The following CMPK1 variants were observed in gnomAD, a reference collection of about 807,000 sequenced individuals.
The protein encoded by CMPK1 is cytidine/uridine monophosphate kinase 1, also known as UMP-CMP kinase.
In CMPK1, 10 loss-of-function variants were observed where a neutral mutation model predicts 25.7. That is an observed-to-expected ratio of 0.39 (90% confidence interval 0.24 to 0.66). The LOEUF is 0.66. CMPK1 is among the 30% of genes least tolerant of loss of function. The pLI is 0.48. For synonymous variants in CMPK1, 106 were observed against 101.5 expected (o/e 1.04, Z -0.27); for missense variants, 199 against 280.5 (o/e 0.71, Z 2.08).
intron 5 of CMPK1, 73 bp downstream of exon 5, chr1:47,375,366 G>A (rs1461773657): frequency 1.5e-5 from 14 of 958,202 alleles, no homozygotes; most frequent in Non-Finnish European, 1.7e-5. Context: ...GGGTAAGCAG[G>A]AAAAAAAGAA....
rs1288215490 is a variant in CMPK1, at chr1:47,377,111, C to T, written c.*366C>T. 6.2e-6 allele frequency: 1 copy of T among 160,646 alleles called. No homozygotes were observed. The highest frequency in any genetic ancestry group is 1.7e-4 in the East Asian group (1 of 5,798). 10.0% of individuals were successfully genotyped at this position (160,646 alleles called of 1,614,324 possible). A position where few individuals can be genotyped will look rare whatever the true frequency, so the allele number is the denominator to read the frequency against. On this transcript the variant is annotated 3_prime_UTR_variant, in exon 6 of 6. Coordinates refer to ENST00000371873, the MANE Select transcript of CMPK1 (RefSeq NM_016308.3). The stretch of plus-strand genomic sequence containing the variant: ...TTTAGGATTTAGGGATACCCGCTTC[C>T]TCTTTTTCTTGCAAGTTTTAAATTT...
At chr1:47,339,559 A>G (rs961148601) in intron 1 of CMPK1, among the ~76,000 whole-genome samples, 3 of 147,998 alleles carry the variant, frequency 2.0e-5, no homozygotes, top group African/African-American at 7.3e-5. Flanking sequence ...TTGGATTCAT[A>G]GAGTTTATTG....
chr1:47,341,164 A>T (rs372231536), intron 1 of CMPK1, among the ~76,000 whole-genome samples: 1 of 152,174 alleles, frequency 6.6e-6, no homozygotes, highest in Non-Finnish European at 1.5e-5. Context: ...AAAATGTTAC[A>T]TCTTTTCTAA....
chr1:47,375,111 C>T, intron 4 of CMPK1, 86 bp from the exon 5 acceptor site: 1 of 1,257,188 alleles, frequency 8.0e-7, no homozygotes. Context: ...TCAGTCGGGG[C>T]AGATCCAGTG....
At position 47,376,970 on chromosome 1, in the gene CMPK1, C is replaced by T. The variant is rs1440339637; in HGVS notation, c.*225C>T. Reference sequence around the variant, plus strand: ...CACCTTAGTTATGGTGCTCACCAAACGAAGGGTATCAGCTATTTTTTTTAA... The same window carrying T: ...CACCTTAGTTATGGTGCTCACCAAATGAAGGGTATCAGCTATTTTTTTTAA... On this transcript the variant is annotated 3_prime_UTR_variant, in exon 6 of 6. Transcript: ENST00000371873. 1.9e-5 allele frequency: 7 copies of T among 370,790 alleles called. No individual in the cohort carries two copies. Among genetic ancestry groups the T allele is most frequent in the South Asian group, 8.7e-5 (1 of 11,556 alleles). The allele number at this position is 370,790 out of a possible 1,614,324, so 23.0% of individuals were successfully genotyped here.
chr1:47,370,593 A>G (rs1316242755), intron 2 of CMPK1, among the ~76,000 whole-genome samples: 1 of 147,662 alleles, frequency 6.8e-6, no homozygotes, highest in East Asian at 2.1e-4. Flanking sequence ...GTGAGCCAAG[A>G]TCATGCTACT....
chr1:47,355,128 C>T (rs559763439), intron 1 of CMPK1, among the ~76,000 whole-genome samples: 2 of 151,914 alleles, frequency 1.3e-5, no homozygotes, highest in South Asian at 4.2e-4. Flanking sequence ...CTCACTGCAA[C>T]CTCTGCCTGC....
chr1:47,333,860 G>T lies in CMPK1; in HGVS notation c.-86G>T, dbSNP rs527624684. ...GCCGCGGCGGGCGCCGGCTCAGCCC[G>T]CCCCTTTCTCCCGCCGCCTCCCCGC... On this transcript the variant is annotated 5_prime_UTR_variant, in exon 1 of 6. Transcript: ENST00000371873. The T allele has an allele frequency of 9.9e-5, 94 of 950,916 alleles. No homozygotes were observed. In the African/African-American group the frequency reaches 1.6e-3, roughly 16 times the overall value. The allele number at this position is 950,916 out of a possible 1,614,324, so 58.9% of individuals were successfully genotyped here. A position where few individuals can be genotyped will look rare whatever the true frequency, so the allele number is the denominator to read the frequency against.
chr1:47,366,605 G>A (rs778930178), intron 1 of CMPK1, among the ~76,000 whole-genome samples: 1 of 152,180 alleles, frequency 6.6e-6, no homozygotes, highest in Admixed American at 6.5e-5. Flanking sequence ...AAAATGGAAT[G>A]TGGGTGAGAA....
intron 1 of CMPK1, among the ~76,000 whole-genome samples, chr1:47,361,608 A>AT (rs1405676968): frequency 6.6e-6 from 1 of 150,920 alleles, no homozygotes; most frequent in Non-Finnish European, 1.5e-5. Flanking sequence ...GAGGGGTCTG[A>AT]TAATTTGCAA....
intron 1 of CMPK1, among the ~76,000 whole-genome samples, chr1:47,359,085 G>T (rs4926544): frequency 2.1e-3 from 317 of 151,968 alleles, no homozygotes; most frequent in African/African-American, 7.4e-3. Context: ...TTGGGAGGCC[G>T]AGGTGGGCGG....
In CMPK1 at chr1:47,359,635, C is replaced by T. The variant is rs375668546; in HGVS notation, c.172-8834C>T. On this transcript the variant is annotated intron_variant, in intron 1 of 5. Coordinates refer to ENST00000371873, the MANE Select transcript of CMPK1 (RefSeq NM_016308.3). ...AACTCCTGACCTCAAGTGATCCACCCGTCTCAGCCTCCCAAAGTGCTGGGA... is the reference window on the plus strand; with the variant it reads ...AACTCCTGACCTCAAGTGATCCACCTGTCTCAGCCTCCCAAAGTGCTGGGA... Among the ~76,000 whole-genome samples, 43 of 151,754 alleles carry T rather than the reference C, an allele frequency of 2.8e-4. 5 individuals carry two copies. Among genetic ancestry groups the T allele is most frequent in the South Asian group, 1.0e-3 (5 of 4,808 alleles).
intron 1 of CMPK1, among the ~76,000 whole-genome samples, chr1:47,343,273 C>A (rs900652228): frequency 1.3e-5 from 2 of 151,592 alleles, no homozygotes; most frequent in South Asian, 4.2e-4. Context: ...AGGCATGAGC[C>A]ACAATGCCCG....
intron 2 of CMPK1, among the ~76,000 whole-genome samples, chr1:47,369,572 T>C (rs4926839): frequency 0.26 from 39,066 of 151,174 alleles, 6,234 homozygotes; most frequent in East Asian, 0.55. Flanking sequence ...CTTGCTTTCT[T>C]TTTTTTTTGA....
chr1:47,341,064 A>G (rs868365200), intron 1 of CMPK1, among the ~76,000 whole-genome samples: 1 of 152,098 alleles, frequency 6.6e-6, no homozygotes, highest in Non-Finnish European at 1.5e-5. Flanking sequence ...AGGAGGGGAG[A>G]TCTTCAGATT....
At chr1:47,336,484 C>A (rs1341575158) in intron 1 of CMPK1, among the ~76,000 whole-genome samples, 1 of 151,938 alleles carries the variant, frequency 6.6e-6, no homozygotes, top group African/African-American at 2.4e-5. Flanking sequence ...TTTAAACTTC[C>A]TGATCTTATT....
intron 1 of CMPK1, among the ~76,000 whole-genome samples, chr1:47,345,992 C>A (rs1646480791): frequency 1.3e-5 from 2 of 152,044 alleles, no homozygotes; most frequent in South Asian, 4.1e-4. Flanking sequence ...GATCCACCCA[C>A]CTTGGCCTAC....
chr1:47,376,945 C>T lies in CMPK1; in HGVS notation c.*200C>T. ...TAGACAGTGAATTCAGGTTTAACTT[C>T]ACCTTAGTTATGGTGCTCACCAAAC... On this transcript the variant is annotated 3_prime_UTR_variant, in exon 6 of 6. Coordinates refer to ENST00000371873, the MANE Select transcript of CMPK1 (RefSeq NM_016308.3). 2.4e-6 allele frequency: 1 copy of T among 422,180 alleles called. No homozygotes were observed. Among genetic ancestry groups the T allele is most frequent in the Non-Finnish European group, 4.2e-6 (1 of 236,074 alleles). 26.2% of individuals were successfully genotyped at this position (422,180 alleles called of 1,614,324 possible).
At chr1:47,368,344 A>C (rs1053174257) in intron 1 of CMPK1, 125 bp from the exon 2 acceptor site, 1 of 716,048 alleles carries the variant, frequency 1.4e-6, no homozygotes, top group Non-Finnish European at 2.1e-6. Flanking sequence ...ATTATTTAAT[A>C]TACAAGCAAA....
Sources: gnomAD v4.1 joint callset for allele counts (sites outside exome capture counted in the v4.1 genomes callset) on GRCh38, gnomAD v4.1.1 for gene constraint, MANE v1.5 for transcripts, NCBI Gene and HGNC (gene_info 2026-07-23, HGNC 2026-07-21) for gene names.